The following SUGCT variants were observed in gnomAD, a reference collection of about 807,000 sequenced individuals.
SUGCT encodes succinyl-CoA:glutarate-CoA transferase.
A neutral mutation model predicts 55.0 loss-of-function variants in SUGCT; 41 were observed. The observed-to-expected ratio is 0.74, with a 90% confidence interval of 0.58 to 0.97. The LOEUF (loss-of-function observed/expected upper bound fraction) is 0.97. Among genes scored for constraint, SUGCT ranks in the 50% least tolerant of loss-of-function variants. The probability of loss-of-function intolerance (pLI) is 0.00; values close to 1 mark genes in which losing one functional copy is unlikely to be tolerated. For synonymous variants in SUGCT, 187 were observed against 200.4 expected (o/e 0.93, Z 0.56); for missense variants, 568 against 547.8 (o/e 1.04, Z -0.37).
At chr7:40,501,343 G>GT (rs1418749464) in intron 12 of SUGCT, among the ~76,000 whole-genome samples, 1 of 152,024 alleles carries the variant, frequency 6.6e-6, no homozygotes, top group Non-Finnish European at 1.5e-5. Flanking sequence ...TAAGCTCCCA[G>GT]TTTTTTATTA....
At chr7:40,546,390 T>A (rs1794992210) in intron 12 of SUGCT, among the ~76,000 whole-genome samples, 1 of 152,198 alleles carries the variant, frequency 6.6e-6, no homozygotes, top group African/African-American at 2.4e-5. Flanking sequence ...AATGTGCCCA[T>A]TTTTTCATTA....
At chr7:40,575,125 T>TGGGGGGGGG (rs1491375845) in intron 12 of SUGCT, among the ~76,000 whole-genome samples, 3 of 137,024 alleles carry the variant, frequency 2.2e-5, no homozygotes, top group African/African-American at 9.5e-5. Flanking sequence ...GTGGCGGGGG[T>TGGGGGGGGG]GGGGGTGGAG....
chr7:40,638,840 A>G (rs531602838), intron 12 of SUGCT, among the ~76,000 whole-genome samples: 7 of 152,176 alleles, frequency 4.6e-5, no homozygotes, highest in Non-Finnish European at 1.0e-4. Context: ...GAAATGATGT[A>G]GGTGGGACGT....
chr7:40,376,477 T>C (rs1784550391), intron 9 of SUGCT, among the ~76,000 whole-genome samples: 1 of 151,876 alleles, frequency 6.6e-6, no homozygotes, highest in Non-Finnish European at 1.5e-5. Flanking sequence ...CTGCAACCTC[T>C]GCCTTCCGGG....
At chr7:40,877,095 T>C in the SUGCT span, among the ~76,000 whole-genome samples, 1 of 152,258 alleles carries the variant, frequency 6.6e-6, no homozygotes, top group African/African-American at 2.4e-5. Context: ...GAATCTCTTC[T>C]TTTTGTTTTG....
At chr7:40,821,958 G>A (rs959327280) in intron 13 of SUGCT, among the ~76,000 whole-genome samples, 2 of 152,158 alleles carry the variant, frequency 1.3e-5, no homozygotes, top group Non-Finnish European at 2.9e-5. Context: ...ATTCTGGTAT[G>A]TTGTGTCTGT....
intron 12 of SUGCT, among the ~76,000 whole-genome samples, chr7:40,682,014 C>T (rs1462854237): frequency 6.6e-6 from 1 of 152,134 alleles, no homozygotes. Flanking sequence ...GAGAACCAAA[C>T]ATTGTTTTGA....
intron 13 of SUGCT, among the ~76,000 whole-genome samples, chr7:40,776,220 C>T (rs1404858175): frequency 8.5e-5 from 13 of 152,120 alleles, no homozygotes; most frequent in Admixed American, 8.5e-4. Flanking sequence ...ACACTGGGGC[C>T]TTTGAATTAG....
intron 9 of SUGCT, among the ~76,000 whole-genome samples, chr7:40,389,128 T>C (rs1191380753): frequency 6.6e-6 from 1 of 152,134 alleles, no homozygotes; most frequent in African/African-American, 2.4e-5. Context: ...TTTACAAAGA[T>C]TTCTTTGCCA....
intron 9 of SUGCT, among the ~76,000 whole-genome samples, chr7:40,441,000 C>T (rs1788486402): frequency 6.6e-6 from 1 of 150,964 alleles, no homozygotes; most frequent in African/African-American, 2.4e-5. Context: ...CTTTTCTTTT[C>T]CAGTGCCTGT....
downstream of SUGCT, among the ~76,000 whole-genome samples, chr7:40,861,500 C>G (rs556097715): frequency 4.6e-5 from 7 of 152,312 alleles, no homozygotes; most frequent in South Asian, 1.5e-3. Flanking sequence ...CAGGTATAGT[C>G]TGGGGAATCA....
intron 13 of SUGCT, among the ~76,000 whole-genome samples, chr7:40,812,622 G>T (rs1044326645): frequency 2.6e-5 from 4 of 151,230 alleles, no homozygotes; most frequent in Non-Finnish European, 5.9e-5. Context: ...TCTTTTTTTT[G>T]TTAATCTAGC....
chr7:40,460,071 G>T (rs528881980), intron 11 of SUGCT, among the ~76,000 whole-genome samples: 33 of 152,186 alleles, frequency 2.2e-4, no homozygotes, highest in African/African-American at 7.5e-4. Flanking sequence ...AAAGGCTCAA[G>T]TGTTTCTATG....
chr7:40,191,189 A>G (rs560976134), intron 5 of SUGCT, among the ~76,000 whole-genome samples: 1 of 152,084 alleles, frequency 6.6e-6, no homozygotes, highest in East Asian at 1.9e-4. Context: ...GCTAATTTTT[A>G]TATTTTTAGT....
chr7:40,949,997 T>C, the SUGCT span, among the ~76,000 whole-genome samples: 1 of 152,208 alleles, frequency 6.6e-6, no homozygotes, highest in South Asian at 2.1e-4. Flanking sequence ...GTGAAGAAAG[T>C]AATTGGTAGC....
chr7:40,465,043 T>C (rs1790027407), intron 11 of SUGCT, among the ~76,000 whole-genome samples: 1 of 152,210 alleles, frequency 6.6e-6, no homozygotes, highest in Admixed American at 6.5e-5. Context: ...GTGAAGGCAT[T>C]TGTAAAAAGT....
the SUGCT span, among the ~76,000 whole-genome samples, chr7:40,907,074 TAGG>T: frequency 6.6e-6 from 1 of 150,998 alleles, no homozygotes; most frequent in Non-Finnish European, 1.5e-5. Flanking sequence ...TTATACTTGT[TAGG>T]AGAAATATTT....
chr7:40,669,535 A>T (rs1230831395), intron 12 of SUGCT, among the ~76,000 whole-genome samples: 1 of 151,816 alleles, frequency 6.6e-6, no homozygotes, highest in African/African-American at 2.4e-5. Context: ...AAATATAGAA[A>T]ATCTCAGCAA....
chr7:40,339,263 C>T (rs930018566), intron 9 of SUGCT, among the ~76,000 whole-genome samples: 9 of 152,218 alleles, frequency 5.9e-5, no homozygotes, highest in Non-Finnish European at 1.2e-4. Context: ...AACCACTGTT[C>T]TCTTCAAAGC....
Sources: gnomAD v4.1 joint callset for allele counts (sites outside exome capture counted in the v4.1 genomes callset) on GRCh38, gnomAD v4.1.1 for gene constraint, MANE v1.5 for transcripts, NCBI Gene and HGNC (gene_info 2026-07-23, HGNC 2026-07-21) for gene names.